SLIT3: variants seen among roughly 807,000 people sequenced by gnomAD.
SLIT3 encodes slit guidance ligand 3, also known as slit homolog 3 protein.
Under a neutral mutation model 184.0 loss-of-function variants are expected in SLIT3, and 68 were observed. The observed-to-expected ratio is 0.37, with a 90% CI of 0.30 to 0.45. SLIT3 has a LOEUF of 0.45. Ranked by LOEUF, SLIT3 falls within the 20% of genes least tolerant of loss-of-function variation. SLIT3 has a pLI of 1.00. For missense variants in SLIT3, 1,707 were observed against 2,026.0 expected, an observed-to-expected ratio of 0.84 and a Z score of 3.02; for synonymous variants, 831 against 828.6, an observed-to-expected ratio of 1.00 and a Z score of -0.05.
At chr5:168,708,435 A>G (rs1185480703) in intron 25 of SLIT3, 2 of 344,544 alleles carry the variant, frequency 5.8e-6, no homozygotes, top group African/African-American at 2.1e-5. Flanking sequence ...TTCATATTCC[A>G]GGAAGCTCTG....
Position 169,193,570 on chromosome 5 carries a change from G to T in SLIT3, c.342-20C>A. 1 of 1,598,596 alleles carries T rather than the reference G, an allele frequency of 6.3e-7. No homozygotes were observed. Among genetic ancestry groups the T allele is most frequent in the Non-Finnish European group, 8.6e-7 (1 of 1,165,848 alleles). ...AGGCGCCTAAAGAGGAAAGAGAATG[G>T]AAGGATGTCAAGGGGACATTAAACC... On this transcript the variant is annotated intron_variant, in intron 3 of 35. Transcript: ENST00000519560.
intron 4 of SLIT3, among the ~76,000 whole-genome samples, chr5:169,169,755 A>G (rs1762758837): frequency 6.6e-6 from 1 of 152,264 alleles, no homozygotes; most frequent in Non-Finnish European, 1.5e-5. Flanking sequence ...GAGAAGCTGC[A>G]TCACCACAGA....
chr5:168,980,925 A>T (rs1754925100), intron 4 of SLIT3, among the ~76,000 whole-genome samples: 1 of 152,248 alleles, frequency 6.6e-6, no homozygotes, highest in East Asian at 1.9e-4. Context: ...AATGTCCATC[A>T]AAAGCAATGG....
At chr5:168,691,417 C>A (rs1458287983) in intron 29 of SLIT3, among the ~76,000 whole-genome samples, 1 of 152,186 alleles carries the variant, frequency 6.6e-6, no homozygotes, top group African/African-American at 2.4e-5. Flanking sequence ...ACAAATACCC[C>A]CAGAGTCTAA....
chr5:169,034,137 G>A (rs1757144351), intron 4 of SLIT3, among the ~76,000 whole-genome samples: 1 of 152,038 alleles, frequency 6.6e-6, no homozygotes, highest in Non-Finnish European at 1.5e-5. Context: ...TTATGAATTT[G>A]GGATATTAAC....
intron 3 of SLIT3, among the ~76,000 whole-genome samples, chr5:169,220,657 T>A (rs1009103331): frequency 2.0e-4 from 31 of 152,264 alleles, no homozygotes; most frequent in Non-Finnish European, 2.9e-4. Context: ...ATTTATCTTT[T>A]ATATTATCTT....
chr5:169,086,934 G>A (rs949859331), intron 4 of SLIT3, among the ~76,000 whole-genome samples: 5 of 152,190 alleles, frequency 3.3e-5, no homozygotes, highest in African/African-American at 1.2e-4. Context: ...GTTTGGAGAA[G>A]CTAAGAAGTG....
At chr5:169,017,619 C>G (rs1399704393) in intron 4 of SLIT3, among the ~76,000 whole-genome samples, 1 of 152,200 alleles carries the variant, frequency 6.6e-6, no homozygotes, top group African/African-American at 2.4e-5. Context: ...ATGCTTCCCA[C>G]AAGCCTCTGC....
chr5:169,124,802 G>A lies in SLIT3; in HGVS notation c.413+68677C>T, dbSNP rs191478721. 9.2e-5 allele frequency among the ~76,000 whole-genome samples: 14 copies of A among 151,806 alleles called. No homozygotes were observed. In the East Asian group the frequency reaches 1.2e-3, roughly 13 times the overall value. ...AAAATGAATACATATGGAGAATACCGATGTGGTATTGTGCTGTACCTTCTA... is the reference window on the plus strand; with the variant it reads ...AAAATGAATACATATGGAGAATACCAATGTGGTATTGTGCTGTACCTTCTA... On this transcript the variant is annotated intron_variant, in intron 4 of 35. Coordinates refer to ENST00000519560, the MANE Select transcript of SLIT3 (RefSeq NM_003062.4).
intron 4 of SLIT3, among the ~76,000 whole-genome samples, chr5:168,949,967 G>T (rs757320725): frequency 1.3e-5 from 2 of 152,142 alleles, no homozygotes; most frequent in Non-Finnish European, 2.9e-5. Flanking sequence ...AATTACCCTT[G>T]AAAGTTCCTT....
Position 168,685,789 on chromosome 5 carries a change from G to C in SLIT3, c.3453C>G (p.Gly1151=), listed in dbSNP as rs151179591. The change falls in exon 31 of 36, where the codon GGC becomes GGG. Residue 1151 remains glycine (G), a synonymous_variant. Coordinates refer to ENST00000519560, the MANE Select transcript of SLIT3 (RefSeq NM_003062.4). ...CAGTGATGAGCTTCTCGCATCTGGG[G>C]CCGGCGAAGCCTGGTGGGCAGCGGC... The part of the protein sequence containing the change: ...PTCRCPPGFA[G]PRCEKLITVN... 2 of 1,613,346 alleles carry C rather than the reference G, an allele frequency of 1.2e-6. No individual in the cohort carries two copies. Among genetic ancestry groups the C allele is most frequent in the African/African-American group, 2.7e-5 (2 of 74,936 alleles).
chr5:168,756,968 G>A (rs1404379408), intron 16 of SLIT3, among the ~76,000 whole-genome samples: 1 of 152,120 alleles, frequency 6.6e-6, no homozygotes, highest in Non-Finnish European at 1.5e-5. Flanking sequence ...AACAGAAGGA[G>A]AGTAAAAAAG....
In SLIT3 at chr5:168,711,074, G is replaced by A. The variant is rs1443039924; in HGVS notation, c.2556-16C>T. The A allele has an allele frequency of 6.5e-7, 1 of 1,550,164 alleles. No individual in the cohort carries two copies. The highest frequency in any genetic ancestry group is 1.2e-5 in the South Asian group (1 of 81,990). On this transcript the variant is annotated splice_polypyrimidine_tract_variant and intron_variant, in intron 24 of 35. Transcript: ENST00000519560. ...TCCCAGCGCCCTAGGAGGCAGAACA[G>A]GAAGTCAGGGCCCCCTGCCCAGCTT...
intron 29 of SLIT3, among the ~76,000 whole-genome samples, chr5:168,692,390 C>T (rs1761934432): frequency 6.6e-6 from 1 of 152,078 alleles, no homozygotes. Flanking sequence ...CCCTACCTAC[C>T]TGTCTATCTA....
At chr5:169,010,925 A>AG in intron 4 of SLIT3, among the ~76,000 whole-genome samples, 1 of 151,636 alleles carries the variant, frequency 6.6e-6, no homozygotes, top group Non-Finnish European at 1.5e-5. Context: ...AAAAAAAAAA[A>AG]GCCTTTTATT....
At chr5:169,164,086 C>T (rs1369357867) in intron 4 of SLIT3, among the ~76,000 whole-genome samples, 1 of 152,214 alleles carries the variant, frequency 6.6e-6, no homozygotes, top group African/African-American at 2.4e-5. Flanking sequence ...GTTCGCAAAT[C>T]AACATGTTTT....
chr5:169,136,078 CTAGAAA>C (rs1026660988), intron 4 of SLIT3, among the ~76,000 whole-genome samples: 5 of 152,150 alleles, frequency 3.3e-5, no homozygotes, highest in Admixed American at 6.5e-5. Flanking sequence ...AAGGGGAGAA[CTAGAAA>C]TAAAGTTGTT....
chr5:168,876,375 C>G (rs1759730217), intron 5 of SLIT3, among the ~76,000 whole-genome samples: 1 of 152,116 alleles, frequency 6.6e-6, no homozygotes, highest in Non-Finnish European at 1.5e-5. Context: ...CTATTAGGAA[C>G]CCCCCAATAA....
intron 4 of SLIT3, among the ~76,000 whole-genome samples, chr5:168,943,959 G>A (rs1762397349): frequency 6.6e-6 from 1 of 152,182 alleles, no homozygotes; most frequent in Non-Finnish European, 1.5e-5. Flanking sequence ...TCCCTAAGCA[G>A]TAATTCAATA....
Sources: gnomAD v4.1 joint callset for allele counts (sites outside exome capture counted in the v4.1 genomes callset) on GRCh38, gnomAD v4.1.1 for gene constraint, MANE v1.5 for transcripts, NCBI Gene and HGNC (gene_info 2026-07-23, HGNC 2026-07-21) for gene names.